Variants in SF3A1 observed in about 807,000 individuals in gnomAD.
The protein encoded by SF3A1 is splicing factor 3a subunit 1.
SF3A1 carries 13 observed loss-of-function variants against 89.9 expected under a neutral mutation model. That is an observed-to-expected ratio of 0.14 (90% confidence interval 0.09 to 0.23). SF3A1 has a LOEUF of 0.23. Ranked by LOEUF, SF3A1 falls within the 10% of genes least tolerant of loss-of-function variation. SF3A1 has a pLI of 1.00. For missense variants in SF3A1, 604 were observed against 1,022.1 expected, an observed-to-expected ratio of 0.59 and a Z score of 5.58; for synonymous variants, 405 against 374.4, an observed-to-expected ratio of 1.08 and a Z score of -0.94.
chr22:30,351,189 C>T (rs1229359081), intron 2 of SF3A1, among the ~76,000 whole-genome samples: 2 of 152,112 alleles, frequency 1.3e-5, no homozygotes, highest in Non-Finnish European at 2.9e-5. Flanking sequence ...GTCCCAGCTA[C>T]TCGGGAGGCT....
chr22:30,351,891 C>T (rs139789139), intron 2 of SF3A1, among the ~76,000 whole-genome samples: 4 of 152,360 alleles, frequency 2.6e-5, no homozygotes, highest in African/African-American at 9.6e-5. Flanking sequence ...GGACTGAGGG[C>T]TGCCAAAGGA....
Position 30,356,810 on chromosome 22 carries a change from CT to C in SF3A1, c.-19del, listed in dbSNP as rs1931893303. 1 of 1,351,062 alleles carries C rather than the reference CT, an allele frequency of 7.4e-7. No individual in the cohort carries two copies. The highest frequency in any genetic ancestry group is 3.0e-5 in the East Asian group (1 of 32,848). 83.7% of individuals were successfully genotyped at this position (1,351,062 alleles called of 1,614,324 possible). A position where few individuals can be genotyped will look rare whatever the true frequency, so the allele number is the denominator to read the frequency against. ...GCCGGCATGACTGCGACGCTCAGGGCTGCCAGTCCGCCTCGGTGTCGGTGAG... is the reference window on the plus strand; with the variant it reads ...GCCGGCATGACTGCGACGCTCAGGGCGCCAGTCCGCCTCGGTGTCGGTGAG... On this transcript the variant is annotated 5_prime_UTR_variant, in exon 1 of 16. Transcript: ENST00000215793.
intron 2 of SF3A1, among the ~76,000 whole-genome samples, chr22:30,352,312 T>C (rs917274136): frequency 2.0e-5 from 3 of 148,570 alleles, no homozygotes; most frequent in Non-Finnish European, 4.4e-5. Flanking sequence ...CCAATGCCCA[T>C]TCCATCTGAG....
At chr22:30,350,238 C>G (rs1931544898) in intron 2 of SF3A1, among the ~76,000 whole-genome samples, 1 of 151,344 alleles carries the variant, frequency 6.6e-6, no homozygotes. Context: ...ACATGAGGAT[C>G]ACTTGAGGCC....
At position 30,339,258 on chromosome 22, in the gene SF3A1, A is replaced by G. The variant is rs778716162; in HGVS notation, c.1376-7T>C. The G allele has an allele frequency of 3.1e-6, 5 of 1,613,578 alleles. No homozygotes were observed. In the African/African-American group the frequency reaches 5.3e-5, roughly 17 times the overall value. ...CTGCTCTCAATATCCAGACCTGTAC[A>G]GTCACAAAACAGAGGCAGAGGATAG... On this transcript the variant is annotated splice_polypyrimidine_tract_variant and splice_region_variant and intron_variant, in intron 9 of 15. Transcript: ENST00000215793.
Position 30,334,462 on chromosome 22 carries a change from A to G in SF3A1, c.*132T>C, listed in dbSNP as rs1319124247. The G allele has an allele frequency of 3.3e-6, 2 of 610,584 alleles. No homozygotes were observed. Among genetic ancestry groups the G allele is most frequent in the Admixed American group, 3.1e-5 (1 of 32,036 alleles). The allele number at this position is 610,584 out of a possible 1,614,324, so 37.8% of individuals were successfully genotyped here. A position where few individuals can be genotyped will look rare whatever the true frequency, so the allele number is the denominator to read the frequency against. On this transcript the variant is annotated 3_prime_UTR_variant, in exon 16 of 16. Transcript: ENST00000215793. The stretch of plus-strand genomic sequence containing the variant: ...AATGAACCTCTGCAGGACAATTTGA[A>G]TTCCCAAACTGAGTAAGAGCGAAAC...
Position 30,337,910 on chromosome 22 carries a change from G to C in SF3A1, c.1744-13C>G, listed in dbSNP as rs753693633. On this transcript the variant is annotated splice_polypyrimidine_tract_variant and intron_variant, in intron 11 of 15. Coordinates refer to ENST00000215793, the MANE Select transcript of SF3A1 (RefSeq NM_005877.6). ...CTGGAGGTGGCATCTGTGCAGGAAA[G>C]AGACCCACAGATTACAGGAAGCCAA... The C allele has an allele frequency of 8.8e-6, 14 of 1,584,124 alleles. No individual in the cohort carries two copies. Among genetic ancestry groups the C allele is most frequent in the Admixed American group, 1.8e-5 (1 of 55,146 alleles).
rs549346944 is a variant in SF3A1, at chr22:30,353,057, C to T, written c.79G>A (p.Ala27Thr). 6.2e-6 allele frequency: 10 copies of T among 1,614,046 alleles called. No individual in the cohort carries two copies. In the African/African-American group the frequency reaches 1.3e-4, roughly 21 times the overall value. Residue 27 changes from alanine (A) to threonine (T), a missense_variant, in exon 2 of 16, where the codon GCA becomes ACA. Ala to Thr is a moderately conservative substitution (Grantham distance 58). This residue lies in a region of SF3A1 where 55 missense variants were observed against 43.8 expected (regional missense o/e 1.25). Coordinates refer to ENST00000215793, the MANE Select transcript of SF3A1 (RefSeq NM_005877.6). Reference protein sequence around the residue: ...TEPKQPTEEEASSKEDSAPSK... With the variant: ...TEPKQPTEEETSSKEDSAPSK... ...GGTGCAGAATCCTCCTTTGAAGATGCTTCTTCTTCTGTGGGCTGTGCAAAC... is the reference window on the plus strand; with the variant it reads ...GGTGCAGAATCCTCCTTTGAAGATGTTTCTTCTTCTGTGGGCTGTGCAAAC...
chr22:30,341,640 T>C, intron 7 of SF3A1, 52 bp downstream of exon 7: 1 of 1,523,140 alleles, frequency 6.6e-7, no homozygotes, highest in Non-Finnish European at 9.0e-7. Flanking sequence ...CACTTCGACC[T>C]CCTGGGGCTT....
chr22:30,347,650 C>T (rs140570291), intron 2 of SF3A1, among the ~76,000 whole-genome samples: 3 of 152,318 alleles, frequency 2.0e-5, no homozygotes, highest in Non-Finnish European at 2.9e-5. Flanking sequence ...TTATATACAA[C>T]ACCTGTGTCA....
At chr22:30,345,310 G>C in intron 3 of SF3A1, 120 bp from the exon 4 acceptor site, 1 of 918,538 alleles carries the variant, frequency 1.1e-6, no homozygotes, top group Non-Finnish European at 1.7e-6. Flanking sequence ...CTAGACTTCT[G>C]TTAATTATGC....
In SF3A1 at chr22:30,346,292, G is replaced by C. The variant is rs1294351042; in HGVS notation, c.393+20C>G. The C allele has an allele frequency of 2.2e-5, 33 of 1,509,678 alleles. No individual in the cohort carries two copies. The highest frequency in any genetic ancestry group is 2.9e-5 in the Non-Finnish European group (32 of 1,085,804). The allele number at this position is 1,509,678 out of a possible 1,614,324, so 93.5% of individuals were successfully genotyped here. On this transcript the variant is annotated intron_variant, in intron 3 of 15. Coordinates refer to ENST00000215793, the MANE Select transcript of SF3A1 (RefSeq NM_005877.6). The stretch of plus-strand genomic sequence containing the variant: ...CCCTCTCAAGCCCTGCGTAAGTGAA[G>C]GGGGCACTGGGCTCCAAACCTTCTG...
At position 30,340,183 on chromosome 22, in the gene SF3A1, A is replaced by G. The variant is rs1334923674; in HGVS notation, c.1375+13T>C. The G allele has an allele frequency of 9.4e-6, 14 of 1,494,574 alleles. No individual in the cohort carries two copies. Among genetic ancestry groups the G allele is most frequent in the Non-Finnish European group, 1.2e-5 (14 of 1,123,864 alleles). The allele number at this position is 1,494,574 out of a possible 1,614,324, so 92.6% of individuals were successfully genotyped here. ...GGAGACTACCATGGGCTCTCCTGGAACCCCCACCTCACCTGGTGCGTACAC... is the reference window on the plus strand; with the variant it reads ...GGAGACTACCATGGGCTCTCCTGGAGCCCCCACCTCACCTGGTGCGTACAC... On this transcript the variant is annotated intron_variant, in intron 9 of 15. Coordinates refer to ENST00000215793, the MANE Select transcript of SF3A1 (RefSeq NM_005877.6).
rs1931898659 is a variant in SF3A1, at chr22:30,356,849, A to C, written c.-57T>G. ...CGGTGTCGGTGAGCGGTGCCGCCTC[A>C]AGACAGCCTCCCCGCTCGGTCAGTA... On this transcript the variant is annotated 5_prime_UTR_variant, in exon 1 of 16. Coordinates refer to ENST00000215793, the MANE Select transcript of SF3A1 (RefSeq NM_005877.6). 1 of 1,266,236 alleles carries C rather than the reference A, an allele frequency of 7.9e-7. No individual in the cohort carries two copies. The highest frequency in any genetic ancestry group is 1.0e-6 in the Non-Finnish European group (1 of 994,862). The allele number at this position is 1,266,236 out of a possible 1,614,324, so 78.4% of individuals were successfully genotyped here.
At chr22:30,336,910 C>T in intron 13 of SF3A1, 116 bp downstream of exon 13, 1 of 1,221,678 alleles carries the variant, frequency 8.2e-7, no homozygotes. Context: ...CAACAGCTGA[C>T]CTAGGCCCCA....
intron 2 of SF3A1, among the ~76,000 whole-genome samples, chr22:30,351,548 T>G (rs1267865377): frequency 1.3e-5 from 2 of 152,204 alleles, no homozygotes; most frequent in African/African-American, 4.8e-5. Flanking sequence ...AGGGTCTCAC[T>G]GTCACCCAGG....
intron 1 of SF3A1, among the ~76,000 whole-genome samples, chr22:30,354,296 C>T (rs1601702613): frequency 6.6e-6 from 1 of 152,150 alleles, no homozygotes; most frequent in East Asian, 1.9e-4. Flanking sequence ...CACTTCCCTG[C>T]CTCCCATCTG....
At position 30,356,731 on chromosome 22, in the gene SF3A1, T is replaced by C; in HGVS notation, c.62A>G (p.Gln21Arg). ...GGCTGAGGGGCGGGGGAGAGGTACC[T>C]GTTTGGGCTCCGTGGGCACGGGCGG... ...PPPPVPTEPK[Q>R]PTEEEASSKE... Residue 21 changes from glutamine (Q) to arginine (R), a missense_variant and splice_region_variant, in exon 1 of 16, where the codon CAG becomes CGG. This residue lies in a region of SF3A1 where 55 missense variants were observed against 43.8 expected (regional missense o/e 1.25). Transcript: ENST00000215793. 1 of 1,494,030 alleles carries C rather than the reference T, an allele frequency of 6.7e-7. No homozygotes were observed. The highest frequency in any genetic ancestry group is 8.9e-7 in the Non-Finnish European group (1 of 1,117,986). The allele number at this position is 1,494,030 out of a possible 1,614,324, so 92.5% of individuals were successfully genotyped here.
rs150182853 is a variant in SF3A1, at chr22:30,333,322, A to C, written c.*1272T>G. 1 of 152,226 alleles carries C rather than the reference A, an allele frequency of 6.6e-6. No homozygotes were observed. The highest frequency in any genetic ancestry group is 1.5e-5 in the Non-Finnish European group (1 of 68,058). 9.4% of individuals were successfully genotyped at this position (152,226 alleles called of 1,614,324 possible). A position where few individuals can be genotyped will look rare whatever the true frequency, so the allele number is the denominator to read the frequency against. ...ATGGTCTCACCCCTCTGAGCCCTGG[A>C]GATGACCTGATGGGGCAGCTAGGAG... On this transcript the variant is annotated 3_prime_UTR_variant, in exon 16 of 16. Transcript: ENST00000215793.
Sources: allele counts gnomAD v4.1 joint callset (sites outside exome capture counted in the v4.1 genomes callset), GRCh38; gene constraint gnomAD v4.1.1; regional missense constraint gnomAD v4.1.1; transcripts MANE v1.5; gene names NCBI Gene and HGNC (gene_info 2026-07-23, HGNC 2026-07-21).